The following SLC5A10 variants were observed in gnomAD, a reference collection of about 807,000 sequenced individuals.
The protein encoded by SLC5A10 is sodium/mannose cotransporter SLC5A10.
In SLC5A10, 55 loss-of-function variants were observed where a neutral mutation model predicts 68.9. The observed-to-expected ratio is 0.80, with a 90% CI of 0.64 to 1.00. The LOEUF is 1.00. Ranked by LOEUF, SLC5A10 falls within the 50% of genes least tolerant of loss-of-function variation. The pLI is 0.00. For missense variants in SLC5A10, 732 were observed against 819.3 expected (o/e 0.89, Z 1.30); for synonymous variants, 344 against 344.8 (o/e 1.00, Z 0.02).
intron 9 of SLC5A10, among the ~76,000 whole-genome samples, chr17:18,999,575 C>T (rs1048573237): frequency 2.0e-5 from 3 of 152,196 alleles, no homozygotes; most frequent in African/African-American, 7.2e-5. Flanking sequence ...GAGGATTACA[C>T]AGCATGGTAA....
Position 18,971,486 on chromosome 17 carries a change from G to A in SLC5A10, c.846+268G>A, listed in dbSNP as rs369743101. 7 of 1,613,958 alleles carry A rather than the reference G, an allele frequency of 4.3e-6. No individual in the cohort carries two copies. In the African/African-American group the frequency reaches 6.7e-5, roughly 15 times the overall value. On this transcript the variant is annotated intron_variant, in intron 8 of 14. Coordinates refer to ENST00000395645, the MANE Select transcript of SLC5A10 (RefSeq NM_001042450.4). The surrounding 1 kb of genome is among the most constrained non-coding windows in gnomAD (Gnocchi z 5.5). Reference sequence around the variant, plus strand: ...CAGTTTGGAGTATGGGATTCCGAAGGGACTCGGATGCTCCTCGGTGGCCCT... The same window carrying A: ...CAGTTTGGAGTATGGGATTCCGAAGAGACTCGGATGCTCCTCGGTGGCCCT...
intron 11 of SLC5A10, 129 bp from the exon 12 acceptor site, chr17:19,019,294 T>G: frequency 8.5e-7 from 1 of 1,170,960 alleles, no homozygotes; most frequent in Non-Finnish European, 1.2e-6. Context: ...TGGACCAGAG[T>G]CCAGGGAGGA....
At chr17:18,973,481 G>T (rs1025022558) in intron 8 of SLC5A10, among the ~76,000 whole-genome samples, 3 of 152,196 alleles carry the variant, frequency 2.0e-5, no homozygotes, top group Non-Finnish European at 2.9e-5. Context: ...TACCCCTTGG[G>T]CTGGGTCTGC....
At position 18,996,351 on chromosome 17, in the gene SLC5A10, A is replaced by C. The variant is rs910849199; in HGVS notation, c.983-17059A>C. On this transcript the variant is annotated intron_variant, in intron 9 of 14. Transcript: ENST00000395645. The surrounding 1 kb of genome is among the most constrained non-coding windows in gnomAD (Gnocchi z 4.4). ...AGTTTTTCTATCATGACATGGTCCC[A>C]CTCCCCCTCCCCTCCTCCTCCCCTC... Among the ~76,000 whole-genome samples the C allele has an allele frequency of 2.0e-5, 3 of 150,886 alleles. No individual in the cohort carries two copies. The highest frequency in any genetic ancestry group is 4.4e-5 in the Non-Finnish European group (3 of 67,772).
chr17:18,999,318 A>G (rs1308010601), intron 9 of SLC5A10, among the ~76,000 whole-genome samples: 1 of 150,768 alleles, frequency 6.6e-6, no homozygotes, highest in Non-Finnish European at 1.5e-5. Context: ...TACTGTCCTG[A>G]GTCAACAGGA....
At chr17:18,987,747 TC>T (rs2043307440) in intron 9 of SLC5A10, among the ~76,000 whole-genome samples, 1 of 152,206 alleles carries the variant, frequency 6.6e-6, no homozygotes, top group Admixed American at 6.5e-5. Flanking sequence ...GCAGAAGCCT[TC>T]CCTGGCCCCA....
In SLC5A10 at chr17:19,018,175, A is replaced by C. The variant is rs1411024685; in HGVS notation, c.1242-1248A>C. On this transcript the variant is annotated intron_variant, in intron 11 of 14. Coordinates refer to ENST00000395645, the MANE Select transcript of SLC5A10 (RefSeq NM_001042450.4). This position sits in a 1 kb window ranked among gnomAD's most constrained non-coding sequence, Gnocchi z 4.2. ...GAGGGAGGAAGGCGGACAGGCGCTGAGAGGACCCACCCTAGCTGAACACAT... is the reference window on the plus strand; with the variant it reads ...GAGGGAGGAAGGCGGACAGGCGCTGCGAGGACCCACCCTAGCTGAACACAT... 1 of 152,270 alleles carries C rather than the reference A, an allele frequency of 6.6e-6. No homozygotes were observed. Among genetic ancestry groups the C allele is most frequent in the Non-Finnish European group, 1.5e-5 (1 of 68,098 alleles). The allele number at this position is 152,270 out of a possible 1,614,324, so 9.4% of individuals were successfully genotyped here.
At chr17:18,955,693 T>G (rs1327150370) in intron 1 of SLC5A10, among the ~76,000 whole-genome samples, 1 of 152,262 alleles carries the variant, frequency 6.6e-6, no homozygotes, top group Non-Finnish European at 1.5e-5. Context: ...CAGACTATGC[T>G]GCCTTTAGTA....
At chr17:18,982,065 A>C (rs1567793921) in intron 9 of SLC5A10, among the ~76,000 whole-genome samples, 1 of 151,984 alleles carries the variant, frequency 6.6e-6, no homozygotes. Context: ...CCCATCCCAA[A>C]CCTTGTCCTG....
At chr17:18,973,844 T>A (rs186569686) in intron 8 of SLC5A10, among the ~76,000 whole-genome samples, 39 of 151,344 alleles carry the variant, frequency 2.6e-4, no homozygotes, top group African/African-American at 9.5e-4. Flanking sequence ...ACTACAGGCA[T>A]GTGCCACCAC....
chr17:18,983,106 C>T (rs1430134268), intron 9 of SLC5A10, among the ~76,000 whole-genome samples: 1 of 152,194 alleles, frequency 6.6e-6, no homozygotes, highest in African/African-American at 2.4e-5. Flanking sequence ...GACTGTCAGC[C>T]GTACTGGGTG....
At chr17:19,012,100 C>T (rs1391660426) in intron 9 of SLC5A10, among the ~76,000 whole-genome samples, 1 of 152,144 alleles carries the variant, frequency 6.6e-6, no homozygotes, top group Non-Finnish European at 1.5e-5. Flanking sequence ...CACTCTGGGC[C>T]CTCCTGAAAA....
At chr17:18,973,184 C>T (rs959961554) in intron 8 of SLC5A10, among the ~76,000 whole-genome samples, 6 of 152,244 alleles carry the variant, frequency 3.9e-5, no homozygotes, top group African/African-American at 1.2e-4. Context: ...AGCCCCTTTA[C>T]ACCCGCCACC....
chr17:18,984,080 C>T lies in SLC5A10; in HGVS notation c.982+7091C>T, dbSNP rs568214011. ...TGCCTTGGCCGGGCGCGGTGGCTCACGCCTGTAATCCCCGCACTTTGGGAG... is the reference window on the plus strand; with the variant it reads ...TGCCTTGGCCGGGCGCGGTGGCTCATGCCTGTAATCCCCGCACTTTGGGAG... On this transcript the variant is annotated intron_variant, in intron 9 of 14. Transcript: ENST00000395645. 4.9e-4 allele frequency among the ~76,000 whole-genome samples: 75 copies of T among 152,308 alleles called. 1 individual carries two copies. Among genetic ancestry groups the T allele is most frequent in the African/African-American group, 1.6e-3 (67 of 41,580 alleles).
chr17:18,965,509 C>A (rs2042691876), intron 5 of SLC5A10, among the ~76,000 whole-genome samples: 1 of 152,330 alleles, frequency 6.6e-6, no homozygotes, highest in Non-Finnish European at 1.5e-5. Context: ...AGTACCAGGG[C>A]CGGTTCCCAG....
Position 19,013,434 on chromosome 17 carries a change from C to A in SLC5A10, c.1007C>A (p.Ser336Tyr), listed in dbSNP as rs2044062007. 1.2e-6 allele frequency: 2 copies of A among 1,606,486 alleles called. No individual in the cohort carries two copies. The highest frequency in any genetic ancestry group is 4.5e-5 in the East Asian group (2 of 44,344). The change falls in exon 10 of 15, where the codon TCC (serine) becomes TAC (tyrosine). Residue 336 changes from serine to tyrosine, a missense_variant. Physicochemically the swap from Ser to Tyr is moderately radical, Grantham distance 144. Coordinates refer to ENST00000395645, the MANE Select transcript of SLC5A10 (RefSeq NM_001042450.4). ...FPDDVGCVVP[S>Y]ECLRACGAEV... The stretch of plus-strand genomic sequence containing the variant: ...GATGATGTGGGCTGCGTGGTGCCGT[C>A]CGAGTGCCTGCGGGCCTGCGGGGCC...
intron 9 of SLC5A10, among the ~76,000 whole-genome samples, chr17:19,001,321 C>T (rs1344360248): frequency 2.6e-5 from 4 of 152,186 alleles, no homozygotes; most frequent in Middle Eastern, 3.2e-3. Flanking sequence ...TTCTCTGTGC[C>T]TCAGTATCCT....
chr17:18,971,515 A>G lies in SLC5A10; in HGVS notation c.846+297A>G, dbSNP rs371955365. 84 of 1,613,840 alleles carry G rather than the reference A, an allele frequency of 5.2e-5. No homozygotes were observed. The highest frequency in any genetic ancestry group is 1.6e-4 in the Middle Eastern group (1 of 6,084). On this transcript the variant is annotated intron_variant, in intron 8 of 14. Coordinates refer to ENST00000395645, the MANE Select transcript of SLC5A10 (RefSeq NM_001042450.4). The surrounding 1 kb of genome is among the most constrained non-coding windows in gnomAD (Gnocchi z 5.5). Reference sequence around the variant, plus strand: ...TCGGATGCTCCTCGGTGGCCCTGCCATCGGTCATGGGGCGGGCATTTTGGG... The same window carrying G: ...TCGGATGCTCCTCGGTGGCCCTGCCGTCGGTCATGGGGCGGGCATTTTGGG...
At chr17:18,995,145 A>T (rs1457089794) in intron 9 of SLC5A10, among the ~76,000 whole-genome samples, 1 of 152,248 alleles carries the variant, frequency 6.6e-6, no homozygotes, top group African/African-American at 2.4e-5. Context: ...CAAAGAAACA[A>T]GAAAACATGA....
Sources: gnomAD v4.1 joint callset for allele counts (sites outside exome capture counted in the v4.1 genomes callset) on GRCh38, gnomAD v4.1.1 for gene constraint, Gnocchi (gnomAD v3.1) non-coding constraint, MANE v1.5 for transcripts, NCBI Gene and HGNC (gene_info 2026-07-23, HGNC 2026-07-21) for gene names.